The following F10 variants were observed in gnomAD, a reference collection of about 807,000 sequenced individuals.
F10 encodes coagulation factor X, also known as Stuart-Prower factor.
A neutral mutation model predicts 37.1 loss-of-function variants in F10; 29 were observed. That is an observed-to-expected ratio of 0.78 (90% CI 0.58 to 1.07). F10 has a LOEUF of 1.07. Ranked by LOEUF, F10 falls within the 50% of genes least tolerant of loss-of-function variation. The pLI, the probability that F10 is intolerant of heterozygous loss-of-function variation, is 0.00. For synonymous variants in F10, 262 were observed against 268.6 expected (o/e 0.98, Z 0.24); for missense variants, 539 against 667.9 (o/e 0.81, Z 2.13).
intron 2 of F10, among the ~76,000 whole-genome samples, chr13:113,134,795 A>C (rs1300217436): frequency 6.6e-6 from 1 of 152,270 alleles, no homozygotes; most frequent in African/African-American, 2.4e-5. Context: ...CAATTGCTTC[A>C]AAGAAAATTA....
chr13:113,146,206 T>C lies in F10; in HGVS notation c.748-1173T>C, dbSNP rs2036581269. On this transcript the variant is annotated intron_variant, in intron 6 of 7. Transcript: ENST00000375559. The surrounding 1 kb of genome is among the most constrained non-coding windows in gnomAD (Gnocchi z 4.5). Reference sequence around the variant, plus strand: ...GGCACTGAGCCGGGTGCTGTGTAGGTGGGATATGAAACCATGAAGCCTCTC... The same window carrying C: ...GGCACTGAGCCGGGTGCTGTGTAGGCGGGATATGAAACCATGAAGCCTCTC... 6.6e-6 allele frequency among the ~76,000 whole-genome samples: 1 copy of C among 151,974 alleles called. No homozygotes were observed. The highest frequency in any genetic ancestry group is 6.6e-5 in the Admixed American group (1 of 15,262).
At chr13:113,148,571 GCGGCCACAC>G (rs1186360279) in intron 7 of F10, among the ~76,000 whole-genome samples, 1 of 152,030 alleles carries the variant, frequency 6.6e-6, no homozygotes, top group Admixed American at 6.6e-5. Flanking sequence ...CTCTCAGCCA[GCGGCCACAC>G]CGCACAACCT....
chr13:113,131,891 C>A (rs147035975), intron 2 of F10: 1 of 152,314 alleles, frequency 6.6e-6, no homozygotes, highest in Non-Finnish European at 1.5e-5. Flanking sequence ...TATGGGCTTC[C>A]GCCCACAGCT....
Position 113,139,549 on chromosome 13 carries a change from G to A in F10, c.370+79G>A, listed in dbSNP as rs182278077. ...GGTGGGCGGGGGAAGAAGTGAAAAC[G>A]CCTAATGAAACAATCTTAAGTCATT... is the stretch of plus-strand genomic sequence containing the variant. On this transcript the variant is annotated intron_variant, in intron 4 of 7. Transcript: ENST00000375559. The surrounding 1 kb of genome is among the most constrained non-coding windows in gnomAD (Gnocchi z 5.2). The A allele has an allele frequency of 5.7e-6, 6 of 1,059,226 alleles. No individual in the cohort carries two copies. Among genetic ancestry groups the A allele is most frequent in the African/African-American group, 3.1e-5 (2 of 63,846 alleles). 65.6% of individuals were successfully genotyped at this position (1,059,226 alleles called of 1,614,324 possible).
intron 2 of F10, among the ~76,000 whole-genome samples, chr13:113,133,526 A>C (rs1186204898): frequency 1.3e-5 from 2 of 152,210 alleles, no homozygotes; most frequent in African/African-American, 4.8e-5. Flanking sequence ...ATACCTGCCA[A>C]TTCAATTCTT....
rs759848795 is a variant in F10 at position 113,147,495 on chromosome 13, A to G, written c.864A>G (p.Val288=). The G allele has an allele frequency of 4.4e-6, 7 of 1,604,884 alleles. No homozygotes were observed. The highest frequency in any genetic ancestry group is 3.4e-6 in the Non-Finnish European group (4 of 1,171,594). The change falls in exon 7 of 8, where the codon GTA becomes GTG. Residue 288 remains valine, a splice_region_variant and synonymous_variant. Transcript: ENST00000375559. ...AAGCCAAGAGATTCAAGGTGAGGGT[A>G]GGTAAGTGACCAACAGCCCCCAGGG... The part of the protein sequence containing the change: ...LYQAKRFKVR[V]GDRNTEQEEG...
intron 6 of F10, among the ~76,000 whole-genome samples, chr13:113,145,024 GC>G (rs1566921178): frequency 6.6e-6 from 1 of 152,076 alleles, no homozygotes; most frequent in Non-Finnish European, 1.5e-5. Flanking sequence ...GACTACAGGC[GC>G]CTGCCACCAC....
At chr13:113,134,412 G>GA (rs1363286562) in intron 2 of F10, among the ~76,000 whole-genome samples, 1 of 152,186 alleles carries the variant, frequency 6.6e-6, no homozygotes, top group Non-Finnish European at 1.5e-5. Flanking sequence ...AATCATGGCA[G>GA]AAAAGGAAGC....
At position 113,143,897 on chromosome 13, in the gene F10, A is replaced by G; in HGVS notation, c.549A>G (p.Ser183=). The change falls in exon 6 of 8, where the codon TCA becomes TCG. Residue 183 remains serine, a synonymous_variant. Coordinates refer to ENST00000375559, the MANE Select transcript of F10 (RefSeq NM_000504.4). The surrounding 1 kb of genome is among the most constrained non-coding windows in gnomAD (Gnocchi z 6.8). Reference sequence around the variant, plus strand: ...AGACCCTGGAACGCAGGAAGAGGTCAGTGGCCCAGGCCACCAGCAGCAGCG... The same window carrying G: ...AGACCCTGGAACGCAGGAAGAGGTCGGTGGCCCAGGCCACCAGCAGCAGCG... ...GKQTLERRKR[S]VAQATSSSGE... 6.2e-7 allele frequency: 1 copy of G among 1,613,380 alleles called. No individual in the cohort carries two copies. The highest frequency in any genetic ancestry group is 8.5e-7 in the Non-Finnish European group (1 of 1,180,006).
rs2036618837 is a variant in F10, at chr13:113,149,381, C to T, written c.1331C>T (p.Ala444Val). ...TGIVSWGEGC[A>V]RKGKYGIYTK... ...ATCGTCAGCTGGGGAGAGGGCTGTG[C>T]CCGTAAGGGGAAGTACGGGATCTAC... The change falls in exon 8 of 8, where the codon GCC becomes GTC. Residue 444 changes from alanine (A) to valine (V), a missense_variant. This residue lies in a region of F10 where 409 missense variants were observed against 547.9 expected (regional missense o/e 0.75). Transcript: ENST00000375559. The surrounding 1 kb of genome is among the most constrained non-coding windows in gnomAD (Gnocchi z 7.5). 1 of 1,502,486 alleles carries T rather than the reference C, an allele frequency of 6.7e-7. No homozygotes were observed. The highest frequency in any genetic ancestry group is 8.9e-7 in the Non-Finnish European group (1 of 1,121,022). 93.1% of individuals were successfully genotyped at this position (1,502,486 alleles called of 1,614,324 possible).
chr13:113,148,391 CATATATAT>C (rs569007060), intron 7 of F10, among the ~76,000 whole-genome samples: 32 of 24,440 alleles, frequency 1.3e-3, no homozygotes, highest in African/African-American at 2.0e-3. Context: ...TATATATATA[CATATATAT>C]ACACACACAC....
At chr13:113,137,837 A>C (rs1035436914) in intron 2 of F10, among the ~76,000 whole-genome samples, 3 of 152,112 alleles carry the variant, frequency 2.0e-5, no homozygotes, top group Admixed American at 6.5e-5. Flanking sequence ...TAGGGCCCAC[A>C]CTGACCCAGC....
At chr13:113,129,387 A>T in intron 1 of F10, 65 bp from the exon 2 acceptor site, 1 of 1,265,308 alleles carries the variant, frequency 7.9e-7, no homozygotes, top group Non-Finnish European at 1.1e-6. Context: ...GTCAGGGAGC[A>T]TAGGTGAGGG....
At chr13:113,124,456 G>A (rs1320583477) in intron 1 of F10, among the ~76,000 whole-genome samples, 1 of 152,222 alleles carries the variant, frequency 6.6e-6, no homozygotes, top group East Asian at 1.9e-4. Flanking sequence ...GTGTCCCCGG[G>A]GGCCGGCCTG....
At position 113,144,218 on chromosome 13, in the gene F10, AG is replaced by A; in HGVS notation, c.747+127del. 3 of 1,468,064 alleles carry A rather than the reference AG, an allele frequency of 2.0e-6. 1 individual carries two copies. The South Asian group carries it at 3.6e-5, about 18-fold the overall frequency. 90.9% of individuals were successfully genotyped at this position (1,468,064 alleles called of 1,614,324 possible). A position where few individuals can be genotyped will look rare whatever the true frequency, so the allele number is the denominator to read the frequency against. ...AAGGAACTGTTCCGAACTAGGACAG[AG>A]GGGCTCCGCCACCCAAGCCTGCCTG... On this transcript the variant is annotated intron_variant, in intron 6 of 7. Transcript: ENST00000375559. This position sits in a 1 kb window ranked among gnomAD's most constrained non-coding sequence, Gnocchi z 6.4.
At chr13:113,137,579 G>A (rs143808479) in intron 2 of F10, among the ~76,000 whole-genome samples, 180 of 152,308 alleles carry the variant, frequency 1.2e-3, no homozygotes, top group Non-Finnish European at 2.3e-3. Flanking sequence ...TAAAATAACA[G>A]GGATTTATTG....
At chr13:113,148,551 C>A (rs1169730472) in intron 7 of F10, among the ~76,000 whole-genome samples, 1 of 152,032 alleles carries the variant, frequency 6.6e-6, no homozygotes, top group East Asian at 1.9e-4. Flanking sequence ...CATGGCACAA[C>A]TATTTTACAC....
At chr13:113,126,706 G>A (rs1263228532) in intron 1 of F10, among the ~76,000 whole-genome samples, 3 of 152,218 alleles carry the variant, frequency 2.0e-5, no homozygotes, top group Non-Finnish European at 1.5e-5. Context: ...AGAACACCGA[G>A]GGCAAGGCAG....
rs375133377 is a variant in F10, at chr13:113,149,168, A to G, written c.1118A>G (p.Gln373Arg). The G allele has an allele frequency of 6.2e-7, 1 of 1,612,828 alleles. No homozygotes were observed. The highest frequency in any genetic ancestry group is 8.5e-7 in the Non-Finnish European group (1 of 1,180,006). Residue 373 changes from glutamine to arginine, a missense_variant, in exon 8 of 8, where the codon CAG becomes CGG. Physicochemically the swap from Gln to Arg is conservative, Grantham distance 43. Transcript: ENST00000375559. This position sits in a 1 kb window ranked among gnomAD's most constrained non-coding sequence, Gnocchi z 7.5. Reference protein sequence around the residue: ...GFGRTHEKGRQSTRLKMLEVP... With the variant: ...GFGRTHEKGRRSTRLKMLEVP... ...GGGCGCACCCACGAGAAGGGCCGGC[A>G]GTCCACCAGGCTCAAGATGCTGGAG...
Sources: gnomAD v4.1 joint callset for allele counts (sites outside exome capture counted in the v4.1 genomes callset) on GRCh38, gnomAD v4.1.1 for gene constraint, gnomAD v4.1.1 regional missense constraint, Gnocchi (gnomAD v3.1) non-coding constraint, MANE v1.5 for transcripts, NCBI Gene and HGNC (gene_info 2026-07-23, HGNC 2026-07-21) for gene names.